Variants in RECK observed in about 807,000 individuals in gnomAD.
RECK encodes reversion-inducing cysteine-rich protein with Kazal motifs.
A neutral mutation model predicts 115.1 loss-of-function variants in RECK; 69 were observed. The observed-to-expected ratio is 0.60, with a 90% CI of 0.49 to 0.73. The LOEUF is 0.73. Ranked by LOEUF, RECK falls within the 30% of genes least tolerant of loss-of-function variation. RECK has a pLI of 0.00. For missense variants in RECK, 1,047 were observed against 1,203.7 expected (o/e 0.87, Z 1.93); for synonymous variants, 414 against 419.7 (o/e 0.99, Z 0.17).
intron 6 of RECK, among the ~76,000 whole-genome samples, chr9:36,069,282 G>A (rs111788582): frequency 0.025 from 3,877 of 152,144 alleles, 172 homozygotes; most frequent in African/African-American, 0.087. Flanking sequence ...GCTCACACCT[G>A]TAATCCCAGC....
chr9:36,107,618 A>C (rs1823875419), intron 13 of RECK, among the ~76,000 whole-genome samples: 1 of 152,056 alleles, frequency 6.6e-6, no homozygotes, highest in South Asian at 2.1e-4. Flanking sequence ...AAAAAAAAAA[A>C]AAAAATACTG....
At chr9:36,057,002 A>C in intron 2 of RECK, 1 of 985,394 alleles carries the variant, frequency 1.0e-6, no homozygotes, top group Non-Finnish European at 1.2e-6. Flanking sequence ...TTACCGTCTC[A>C]GCTATTTGCA....
intron 6 of RECK, among the ~76,000 whole-genome samples, chr9:36,070,712 G>T (rs1013098459): frequency 6.6e-6 from 1 of 152,166 alleles, no homozygotes; most frequent in Non-Finnish European, 1.5e-5. Flanking sequence ...GAGATTTGAT[G>T]ATCTCTCTTC....
chr9:36,063,714 G>A (rs966584358), intron 4 of RECK, 81 bp from the exon 5 acceptor site: 96 of 1,298,294 alleles, frequency 7.4e-5, no homozygotes, highest in Non-Finnish European at 1.0e-4. Context: ...TTGACTTTTA[G>A]TAGTAGCCTT....
intron 2 of RECK, chr9:36,057,151 T>TA (rs34821500): frequency 6.8e-3 from 1,063 of 155,894 alleles, no homozygotes; most frequent in Middle Eastern, 9.7e-3. Context: ...CAGCATCAAT[T>TA]AAAAAAAAAA....
In RECK at chr9:36,083,544, A is replaced by G. The variant is rs144022766; in HGVS notation, c.619A>G (p.Met207Val). The change falls in exon 8 of 21, where the codon ATG (methionine) becomes GTG (valine). Residue 207 changes from methionine (M) to valine (V), a missense_variant. Physicochemically the swap from Met to Val is conservative, Grantham distance 21. Coordinates refer to ENST00000377966, the MANE Select transcript of RECK (RefSeq NM_021111.3). ...GAACAATTATACTCAATCTTATCCA[A>G]TGAGGAACCCAACGGATAGTAAGTA... ...CVNNYTQSYPMRNPTDSLYCC... is the reference protein window; with the variant it reads ...CVNNYTQSYPVRNPTDSLYCC... 89 of 1,613,436 alleles carry G rather than the reference A, an allele frequency of 5.5e-5. No individual in the cohort carries two copies. Among genetic ancestry groups the G allele is most frequent in the Middle Eastern group, 4.9e-4 (3 of 6,076 alleles).
chr9:36,099,092 G>C (rs1031487926), intron 10 of RECK, among the ~76,000 whole-genome samples: 3 of 152,092 alleles, frequency 2.0e-5, no homozygotes, highest in African/African-American at 7.2e-5. Context: ...CAGGTGTGGT[G>C]GTGGGTGCCT....
At chr9:36,092,940 A>C (rs1436353905) in intron 10 of RECK, among the ~76,000 whole-genome samples, 2 of 152,190 alleles carry the variant, frequency 1.3e-5, no homozygotes, top group Non-Finnish European at 2.9e-5. Flanking sequence ...ACTCCTTTTA[A>C]GTCCTTGGCT....
intron 6 of RECK, among the ~76,000 whole-genome samples, chr9:36,076,600 A>T (rs1822459455): frequency 6.6e-6 from 1 of 152,180 alleles, no homozygotes; most frequent in Non-Finnish European, 1.5e-5. Flanking sequence ...ATTGGAGCTG[A>T]CATCTACCAG....
intron 10 of RECK, among the ~76,000 whole-genome samples, chr9:36,097,727 C>A (rs750484438): frequency 6.6e-6 from 1 of 152,138 alleles, no homozygotes; most frequent in Non-Finnish European, 1.5e-5. Flanking sequence ...ATATTTCACT[C>A]CCACATTCAC....
intron 6 of RECK, among the ~76,000 whole-genome samples, chr9:36,076,618 G>A (rs1478802862): frequency 2.6e-5 from 4 of 152,138 alleles, no homozygotes; most frequent in Admixed American, 1.3e-4. Flanking sequence ...CAGCTTGGGA[G>A]TACTAATTGT....
At chr9:36,108,425 A>G (rs1823904921) in intron 14 of RECK, among the ~76,000 whole-genome samples, 1 of 152,188 alleles carries the variant, frequency 6.6e-6, no homozygotes. Flanking sequence ...CTTGCCTTAC[A>G]TTATCTCATT....
chr9:36,060,567 C>G (rs891445476), intron 4 of RECK, among the ~76,000 whole-genome samples: 1 of 152,158 alleles, frequency 6.6e-6, no homozygotes, highest in African/African-American at 2.4e-5. Context: ...CAGTACTACT[C>G]TCTTTGACTT....
chr9:36,116,856 T>C (rs1564137696), intron 16 of RECK, 129 bp from the exon 17 acceptor site: 4 of 671,520 alleles, frequency 6.0e-6, no homozygotes, highest in Non-Finnish European at 1.0e-5. Flanking sequence ...CATAAGCTCT[T>C]TGGAGACAGG....
intron 11 of RECK, among the ~76,000 whole-genome samples, chr9:36,101,622 C>T (rs1823569575): frequency 6.6e-6 from 1 of 152,062 alleles, no homozygotes; most frequent in Non-Finnish European, 1.5e-5. Flanking sequence ...GAGTCAAATC[C>T]CTATTGAAGA....
intron 1 of RECK, 68 bp downstream of exon 1, chr9:36,037,166 C>A: frequency 1.6e-6 from 1 of 606,584 alleles, no homozygotes. Flanking sequence ...CAAGATGGCG[C>A]GGGGCAGGGG....
chr9:36,106,242 T>G lies in RECK; in HGVS notation c.1576+959T>G, dbSNP rs1490932524. Among the ~76,000 whole-genome samples the G allele has an allele frequency of 2.7e-5, 4 of 150,812 alleles. No homozygotes were observed. In the South Asian group the frequency reaches 6.3e-4, roughly 24 times the overall value. On this transcript the variant is annotated intron_variant, in intron 13 of 20. Transcript: ENST00000377966. ...AAAAAAAAAGATTAAAAAAAAACGT[T>G]TTTTTTTTTGAGACGGGGTTTCACT...
intron 10 of RECK, among the ~76,000 whole-genome samples, chr9:36,093,799 T>A (rs1234894688): frequency 6.6e-6 from 1 of 152,094 alleles, no homozygotes; most frequent in Non-Finnish European, 1.5e-5. Context: ...ACCTAGCACA[T>A]TATAGTCAAA....
At chr9:36,103,832 T>C (rs1823655573) in intron 12 of RECK, among the ~76,000 whole-genome samples, 2 of 152,214 alleles carry the variant, frequency 1.3e-5, no homozygotes, top group South Asian at 4.1e-4. Flanking sequence ...TATGAAATAA[T>C]TAGGCAAAAT....
Sources: allele counts gnomAD v4.1 joint callset (sites outside exome capture counted in the v4.1 genomes callset), GRCh38; gene constraint gnomAD v4.1.1; transcripts MANE v1.5; gene names NCBI Gene and HGNC (gene_info 2026-07-23, HGNC 2026-07-21).